Variants in COL20A1 observed in about 807,000 individuals in gnomAD.
COL20A1 encodes the protein collagen alpha-1(XX) chain.
Under a neutral mutation model 152.9 loss-of-function variants are expected in COL20A1, and 164 were observed. That is an observed-to-expected ratio of 1.07 (90% CI 0.94 to 1.22). The LOEUF (loss-of-function observed/expected upper bound fraction) is 1.22, where lower values mean the gene tolerates loss of function less well. Among genes scored for constraint, COL20A1 ranks in the 50% most tolerant of loss-of-function variants. COL20A1 has a pLI of 0.00. For synonymous variants in COL20A1, 864 were observed against 756.0 expected (o/e 1.14, Z -2.34); for missense variants, 1,873 against 1,744.8 (o/e 1.07, Z -1.31).
intron 1 of COL20A1, among the ~76,000 whole-genome samples, chr20:63,294,425 C>G (rs1027292163): frequency 1.3e-5 from 2 of 151,816 alleles, no homozygotes; most frequent in African/African-American, 4.8e-5. Flanking sequence ...ACTCCCAGCC[C>G]CTTTGAGTGG....
intron 11 of COL20A1, among the ~76,000 whole-genome samples, chr20:63,310,911 T>G (rs2067996558): frequency 6.6e-6 from 1 of 151,988 alleles, no homozygotes; most frequent in South Asian, 2.1e-4. Flanking sequence ...ACCTGCCCAT[T>G]TAAAGTGTAC....
chr20:63,311,407 G>A lies in COL20A1; in HGVS notation c.1407G>A (p.Pro469=), dbSNP rs746779858. The part of the protein sequence containing the change: ...RGLVTTAPLP[P]PRALTLAAVT... ...ATGGCCCCCCAGCACCTCTGCCTCCGCCCCGGGCGCTGACCCTGGCCGCAG... is the reference window on the plus strand; with the variant it reads ...ATGGCCCCCCAGCACCTCTGCCTCCACCCCGGGCGCTGACCCTGGCCGCAG... Residue 469 remains proline (P), a synonymous_variant, in exon 12 of 36, where the codon CCG becomes CCA. Coordinates refer to ENST00000358894, the MANE Select transcript of COL20A1 (RefSeq NM_020882.4). This position sits in a 1 kb window ranked among gnomAD's most constrained non-coding sequence, Gnocchi z 4.4. The A allele has an allele frequency of 2.3e-5, 36 of 1,581,528 alleles. No homozygotes were observed. The highest frequency in any genetic ancestry group is 5.4e-5 in the Admixed American group (3 of 55,462).
chr20:63,313,076 C>A lies in COL20A1; in HGVS notation c.2077-41C>A, dbSNP rs771493771. On this transcript the variant is annotated intron_variant, in intron 16 of 35. Transcript: ENST00000358894. This position sits in a 1 kb window ranked among gnomAD's most constrained non-coding sequence, Gnocchi z 5.9. ...CTGCCCGGCCCCCCAACCTGAGGAC[C>A]CCACTGCACCCGGTGACCCCTGGGG... The A allele has an allele frequency of 8.8e-6, 14 of 1,584,850 alleles. No homozygotes were observed. The South Asian group carries it at 1.4e-4, about 16-fold the overall frequency.
Position 63,308,649 on chromosome 20 carries a change from G to C in COL20A1, c.883G>C (p.Asp295His). The C allele has an allele frequency of 6.2e-7, 1 of 1,607,848 alleles. No individual in the cohort carries two copies. The highest frequency in any genetic ancestry group is 8.5e-7 in the Non-Finnish European group (1 of 1,177,716). The change falls in exon 8 of 36, where the codon GAT becomes CAT. Residue 295 changes from aspartate to histidine, a missense_variant. Physicochemically the swap from Asp to His is moderately conservative, Grantham distance 81. Coordinates refer to ENST00000358894, the MANE Select transcript of COL20A1 (RefSeq NM_020882.4). ...GGTGACGGACGGCAAGTCCCAGGAC[G>C]ATGTGCACACTGCTGCCCGTGTCCT... ...ILVTDGKSQD[D>H]VHTAARVLKD... is the part of the protein sequence containing the mutation.
intron 35 of COL20A1, 75 bp downstream of exon 35, chr20:63,329,736 G>T: frequency 1.9e-6 from 2 of 1,049,894 alleles, no homozygotes; most frequent in South Asian, 1.6e-5. Context: ...AGGGGCCAAC[G>T]GGTGGGGCCT....
Position 63,311,505 on chromosome 20 carries a change from C to G in COL20A1, c.1505C>G (p.Pro502Arg). The G allele has an allele frequency of 6.3e-7, 1 of 1,586,548 alleles. No individual in the cohort carries two copies. The highest frequency in any genetic ancestry group is 8.6e-7 in the Non-Finnish European group (1 of 1,166,950). The part of the protein sequence containing the change: ...GATHYLVRCS[P>R]ASPKGEEEER... ...ACCCACTACCTGGTGCGATGTTCTC[C>G]TGCTTCCCCCAAGGGTGAAGAGGAG... Residue 502 changes from proline (P) to arginine (R), a missense_variant, in exon 12 of 36, where the codon CCT (proline) becomes CGT (arginine). Transcript: ENST00000358894. The surrounding 1 kb of genome is among the most constrained non-coding windows in gnomAD (Gnocchi z 4.4).
rs2068369615 is a variant in COL20A1, at chr20:63,334,464, G to A, written c.*3748G>A. 6.6e-6 allele frequency: 1 copy of A among 152,274 alleles called. No homozygotes were observed. The highest frequency in any genetic ancestry group is 2.1e-4 in the South Asian group (1 of 4,830). 9.4% of individuals were successfully genotyped at this position (152,274 alleles called of 1,614,324 possible). A position where few individuals can be genotyped will look rare whatever the true frequency, so the allele number is the denominator to read the frequency against. On this transcript the variant is annotated 3_prime_UTR_variant, in exon 36 of 36. Coordinates refer to ENST00000358894, the MANE Select transcript of COL20A1 (RefSeq NM_020882.4). ...AGGTCTTGCTCTGTCACCCAGGCTG[G>A]AGTACAGTGGCATGATCTCGGCTCA...
At chr20:63,302,403 C>T (rs2067872629) in intron 3 of COL20A1, among the ~76,000 whole-genome samples, 1 of 152,200 alleles carries the variant, frequency 6.6e-6, no homozygotes, top group South Asian at 2.1e-4. Context: ...TCACTGAAGC[C>T]TCCTGCTTCC....
intron 27 of COL20A1, among the ~76,000 whole-genome samples, chr20:63,323,542 G>C (rs2068199548): frequency 6.6e-6 from 1 of 152,234 alleles, no homozygotes; most frequent in Non-Finnish European, 1.5e-5. Context: ...GGGGAGGACA[G>C]AGGACGGGGA....
intron 2 of COL20A1, among the ~76,000 whole-genome samples, chr20:63,297,687 C>T (rs536953060): frequency 2.0e-5 from 3 of 152,336 alleles, no homozygotes; most frequent in African/African-American, 4.8e-5. Flanking sequence ...CTGCGGACCC[C>T]GGGGAGGGCC....
Position 63,309,344 on chromosome 20 carries a change from G to A in COL20A1, c.952G>A (p.Ala318Thr), listed in dbSNP as rs2067972109. ...VNVFAVGVKNADEAELRLLAS... is the reference protein window; with the variant it reads ...VNVFAVGVKNTDEAELRLLAS... Reference sequence around the variant, plus strand: ...CTCCTCACGAGCAGGTGTGAAGAACGCCGATGAGGCTGAGCTGAGGCTCCT... The same window carrying A: ...CTCCTCACGAGCAGGTGTGAAGAACACCGATGAGGCTGAGCTGAGGCTCCT... The change falls in exon 9 of 36, where the codon GCC becomes ACC. Residue 318 changes from alanine to threonine, a missense_variant. Coordinates refer to ENST00000358894, the MANE Select transcript of COL20A1 (RefSeq NM_020882.4). 9.4e-6 allele frequency: 14 copies of A among 1,494,016 alleles called. No individual in the cohort carries two copies. The highest frequency in any genetic ancestry group is 4.0e-5 in the South Asian group (3 of 75,200). 92.5% of individuals were successfully genotyped at this position (1,494,016 alleles called of 1,614,324 possible). A position where few individuals can be genotyped will look rare whatever the true frequency, so the allele number is the denominator to read the frequency against.
chr20:63,312,403 C>A lies in COL20A1; in HGVS notation c.1804-17C>A. The A allele has an allele frequency of 6.4e-7, 1 of 1,555,968 alleles. No homozygotes were observed. Among genetic ancestry groups the A allele is most frequent in the South Asian group, 1.2e-5 (1 of 82,688 alleles). ...GCACCAGCTGGGCCTGCCATGTCGC[C>A]CTCCCACCTGCTGCAGACAGAGGCT... On this transcript the variant is annotated splice_polypyrimidine_tract_variant and intron_variant, in intron 14 of 35. Transcript: ENST00000358894.
intron 25 of COL20A1, among the ~76,000 whole-genome samples, chr20:63,320,760 A>G (rs1291674339): frequency 2.0e-5 from 3 of 152,172 alleles, no homozygotes; most frequent in Admixed American, 6.5e-5. Flanking sequence ...AGAAGGCACC[A>G]TTCTGTCCTG....
At chr20:63,301,802 T>G (rs6090353) in intron 3 of COL20A1, among the ~76,000 whole-genome samples, 256 of 152,336 alleles carry the variant, frequency 1.7e-3, no homozygotes, top group African/African-American at 5.9e-3. Flanking sequence ...ATTTTAGATG[T>G]GTCTTCTAAG....
chr20:63,301,953 A>G (rs2067867766), intron 3 of COL20A1, among the ~76,000 whole-genome samples: 1 of 152,184 alleles, frequency 6.6e-6, no homozygotes, highest in African/African-American at 2.4e-5. Context: ...TACACTTGTT[A>G]TAAGTTTTTA....
chr20:63,293,563 G>C (rs1028728692), intron 1 of COL20A1, among the ~76,000 whole-genome samples: 1 of 152,138 alleles, frequency 6.6e-6, no homozygotes, highest in Non-Finnish European at 1.5e-5. Context: ...CGAGCAGAGA[G>C]CGGCTTGCAC....
At chr20:63,322,607 G>C (rs79169316) in intron 27 of COL20A1, among the ~76,000 whole-genome samples, 6 of 152,230 alleles carry the variant, frequency 3.9e-5, no homozygotes, top group African/African-American at 1.4e-4. Context: ...CTGGTTCTGC[G>C]GAGAGGGATG....
chr20:63,300,925 T>C (rs1045225658), intron 3 of COL20A1, among the ~76,000 whole-genome samples: 1 of 152,248 alleles, frequency 6.6e-6, no homozygotes, highest in Non-Finnish European at 1.5e-5. Context: ...TTCTCAGTTT[T>C]AAAACATGGG....
intron 10 of COL20A1, 31 bp from the exon 11 acceptor site, chr20:63,310,350 C>G (rs2067988375): frequency 1.2e-6 from 2 of 1,608,284 alleles, no homozygotes; most frequent in South Asian, 2.2e-5. Context: ...CACCCCCCTT[C>G]CTGGCTCCGT....
Sources: allele counts gnomAD v4.1 joint callset (sites outside exome capture counted in the v4.1 genomes callset), GRCh38; gene constraint gnomAD v4.1.1; non-coding constraint Gnocchi (gnomAD v3.1); transcripts MANE v1.5; gene names NCBI Gene and HGNC (gene_info 2026-07-23, HGNC 2026-07-21).